MACROD2: variants seen among roughly 807,000 people sequenced by gnomAD.
MACROD2 encodes mono-ADP ribosylhydrolase 2.
Under a neutral mutation model 70.4 loss-of-function variants are expected in MACROD2, and 36 were observed. The ratio of observed to expected loss-of-function variants is 0.51; its 90% CI spans 0.39 to 0.68. MACROD2 has a LOEUF of 0.68. Among genes scored for constraint, MACROD2 ranks in the 30% least tolerant of loss-of-function variants. MACROD2 has a pLI of 0.00. For synonymous variants in MACROD2, 172 were observed against 178.8 expected (o/e 0.96, Z 0.30); for missense variants, 496 against 538.4 (o/e 0.92, Z 0.78).
At chr20:14,212,307 A>G (rs1443492654) in intron 3 of MACROD2, among the ~76,000 whole-genome samples, 1 of 152,162 alleles carries the variant, frequency 6.6e-6, no homozygotes, top group Non-Finnish European at 1.5e-5. Flanking sequence ...TAAATCTCCT[A>G]AAGTGAGTAT....
At position 15,034,298 on chromosome 20, in the gene MACROD2, T is replaced by C. The variant is rs531574322; in HGVS notation, c.419-195642T>C. Among the ~76,000 whole-genome samples, 8 of 152,310 alleles carry C rather than the reference T, an allele frequency of 5.3e-5. No individual in the cohort carries two copies. In the South Asian group the frequency reaches 6.2e-4, roughly 12 times the overall value. ...ACGATGTATATGCTGCACAAGAGTGTATGGTATCATTTTTAGTAATGAGGT... is the reference window on the plus strand; with the variant it reads ...ACGATGTATATGCTGCACAAGAGTGCATGGTATCATTTTTAGTAATGAGGT... On this transcript the variant is annotated intron_variant, in intron 5 of 17. Transcript: ENST00000684519.
chr20:14,297,809 C>A (rs777623716), intron 3 of MACROD2, among the ~76,000 whole-genome samples: 1 of 151,914 alleles, frequency 6.6e-6, no homozygotes, highest in Non-Finnish European at 1.5e-5. Context: ...GATGAGCTAG[C>A]CTTCTATTGG....
chr20:15,365,264 T>C (rs1391434496), intron 6 of MACROD2, among the ~76,000 whole-genome samples: 1 of 152,036 alleles, frequency 6.6e-6, no homozygotes, highest in Non-Finnish European at 1.5e-5. Context: ...GAAAGATCTA[T>C]GTAAAGATGG....
intron 10 of MACROD2, among the ~76,000 whole-genome samples, chr20:15,892,200 T>C (rs1162763882): frequency 6.6e-6 from 1 of 152,160 alleles, no homozygotes; most frequent in African/African-American, 2.4e-5. Flanking sequence ...TATCCATTCC[T>C]AAATCCCAGA....
intron 6 of MACROD2, among the ~76,000 whole-genome samples, chr20:15,241,886 A>C (rs1460220154): frequency 3.3e-5 from 5 of 152,190 alleles, no homozygotes; most frequent in Admixed American, 6.5e-5. Context: ...ATGAATAAGG[A>C]ATAGGTGACA....
chr20:14,960,762 C>CT (rs942509970), intron 5 of MACROD2, among the ~76,000 whole-genome samples: 10 of 150,270 alleles, frequency 6.7e-5, no homozygotes, highest in South Asian at 2.1e-4. Flanking sequence ...ATACATGGAA[C>CT]TTTTTTTTTT....
chr20:14,530,705 C>T (rs1248114397), intron 4 of MACROD2, among the ~76,000 whole-genome samples: 2 of 152,154 alleles, frequency 1.3e-5, no homozygotes, highest in Admixed American at 1.3e-4. Context: ...TGCTGGTATC[C>T]TTCCACCTTC....
At chr20:15,372,350 G>A (rs973023766) in intron 6 of MACROD2, among the ~76,000 whole-genome samples, 2 of 152,190 alleles carry the variant, frequency 1.3e-5, no homozygotes, top group African/African-American at 4.8e-5. Flanking sequence ...TTGTATGAAG[G>A]TTCAGGGTTT....
intron 8 of MACROD2, among the ~76,000 whole-genome samples, chr20:15,753,723 C>T (rs1258587929): frequency 2.0e-5 from 3 of 152,152 alleles, no homozygotes; most frequent in South Asian, 2.1e-4. Context: ...ACTAATTTAC[C>T]GTTCCACAAG....
chr20:14,245,160 C>G (rs1458601740), intron 3 of MACROD2, among the ~76,000 whole-genome samples: 2 of 151,838 alleles, frequency 1.3e-5, no homozygotes, highest in African/African-American at 4.8e-5. Context: ...GTCAGGAGAT[C>G]GAGACCATCC....
intron 5 of MACROD2, among the ~76,000 whole-genome samples, chr20:15,150,584 G>A (rs867929482): frequency 1.3e-5 from 2 of 151,976 alleles, no homozygotes; most frequent in African/African-American, 2.4e-5. Flanking sequence ...GGCATTGAGC[G>A]AGGTAAGGGT....
rs532042869 is a variant in MACROD2 at position 15,044,973 on chromosome 20, T to G, written c.419-184967T>G. 8.5e-5 allele frequency among the ~76,000 whole-genome samples: 13 copies of G among 152,260 alleles called. No homozygotes were observed. The East Asian group carries it at 1.7e-3, about 20-fold the overall frequency. On this transcript the variant is annotated intron_variant, in intron 5 of 17. Transcript: ENST00000684519. ...TAAAATGCAGCATCTGAACCTTATGTCAATGTAAGAGTTTTCTACAAAACA... is the reference window on the plus strand; with the variant it reads ...TAAAATGCAGCATCTGAACCTTATGGCAATGTAAGAGTTTTCTACAAAACA...
At chr20:15,757,517 G>T (rs756626007) in intron 8 of MACROD2, among the ~76,000 whole-genome samples, 5 of 152,076 alleles carry the variant, frequency 3.3e-5, no homozygotes, top group Non-Finnish European at 4.4e-5. Flanking sequence ...TCTTTTGGAA[G>T]AATCCAAAAC....
At chr20:15,392,090 A>G (rs138273594) in intron 6 of MACROD2, among the ~76,000 whole-genome samples, 3 of 152,210 alleles carry the variant, frequency 2.0e-5, no homozygotes, top group South Asian at 4.1e-4. Context: ...GGTTTATTTA[A>G]TTAATTTTAC....
At chr20:14,942,058 C>T (rs1275820128) in intron 5 of MACROD2, among the ~76,000 whole-genome samples, 2 of 151,960 alleles carry the variant, frequency 1.3e-5, no homozygotes, top group Non-Finnish European at 2.9e-5. Context: ...CTCAGCATCC[C>T]GAAGTGCTGG....
intron 5 of MACROD2, among the ~76,000 whole-genome samples, chr20:14,987,556 A>AT (rs1051199141): frequency 1.3e-5 from 2 of 152,172 alleles, no homozygotes; most frequent in Non-Finnish European, 2.9e-5. Flanking sequence ...GTCTGAAGTG[A>AT]TTTTTGAAAG....
At chr20:15,273,252 C>A (rs2077361362) in intron 6 of MACROD2, among the ~76,000 whole-genome samples, 1 of 152,210 alleles carries the variant, frequency 6.6e-6, no homozygotes, top group Non-Finnish European at 1.5e-5. Context: ...ACTGGCCAAG[C>A]CTCCGAGCCT....
intron 8 of MACROD2, chr20:15,552,763 T>C (rs1449335199): frequency 6.6e-6 from 1 of 152,224 alleles, no homozygotes; most frequent in Admixed American, 6.5e-5. Context: ...ATAAATAATC[T>C]GGTATCTCAG....
intron 4 of MACROD2, among the ~76,000 whole-genome samples, chr20:14,682,433 T>C (rs1405212731): frequency 1.3e-5 from 2 of 151,382 alleles, no homozygotes; most frequent in Admixed American, 1.3e-4. Context: ...TGAATATATA[T>C]ATACACATTA....
Sources: allele counts gnomAD v4.1 joint callset (sites outside exome capture counted in the v4.1 genomes callset), GRCh38; gene constraint gnomAD v4.1.1; transcripts MANE v1.5; gene names NCBI Gene and HGNC (gene_info 2026-07-23, HGNC 2026-07-21).